The following GPHN variants were observed in gnomAD, a reference collection of about 807,000 sequenced individuals.
GPHN encodes the protein gephyrin.
In GPHN, 17 loss-of-function variants were observed where a neutral mutation model predicts 95.5. The observed-to-expected ratio is 0.18, with a 90% CI of 0.12 to 0.27. GPHN has a LOEUF of 0.27. GPHN is among the 10% of genes least tolerant of loss of function. GPHN has a pLI of 1.00. For synonymous variants in GPHN, 320 were observed against 322.5 expected (o/e 0.99, Z 0.08); for missense variants, 660 against 978.1 (o/e 0.67, Z 4.34).
intron 5 of GPHN, among the ~76,000 whole-genome samples, chr14:66,915,315 A>T (rs1353440530): frequency 6.6e-6 from 1 of 152,198 alleles, no homozygotes; most frequent in Non-Finnish European, 1.5e-5. Flanking sequence ...TAACACAACC[A>T]GTCAATGACA....
chr14:67,568,507 G>A, the GPHN span, among the ~76,000 whole-genome samples: 1 of 152,080 alleles, frequency 6.6e-6, no homozygotes, highest in South Asian at 2.1e-4. Flanking sequence ...TTAATACCTA[G>A]GTGATGGGTT....
At chr14:66,746,811 G>A (rs2058169658) in intron 2 of GPHN, among the ~76,000 whole-genome samples, 1 of 152,134 alleles carries the variant, frequency 6.6e-6, no homozygotes, top group Admixed American at 6.5e-5. Context: ...ATTCTACAGG[G>A]TTTGGTGCTG....
At position 66,583,169 on chromosome 14, in the gene GPHN, T is replaced by A. The variant is rs532219962; in HGVS notation, c.64+74578T>A. ...AGCATTTTTTCATGTGTTTTTTGGCTGCATAAATGTCTTCTTTTGAGAAGT... is the reference window on the plus strand; with the variant it reads ...AGCATTTTTTCATGTGTTTTTTGGCAGCATAAATGTCTTCTTTTGAGAAGT... On this transcript the variant is annotated intron_variant, in intron 1 of 22. Coordinates refer to ENST00000478722, the MANE Select transcript of GPHN (RefSeq NM_020806.5). Among the ~76,000 whole-genome samples, 30 of 152,262 alleles carry A rather than the reference T, an allele frequency of 2.0e-4. No homozygotes were observed. In the South Asian group the frequency reaches 4.8e-3, roughly 24 times the overall value.
chr14:66,760,863 A>G, intron 2 of GPHN: 1 of 690,788 alleles, frequency 1.4e-6, no homozygotes, highest in South Asian at 1.4e-5. Flanking sequence ...TAATGAACAG[A>G]TTGAAGAAAA....
chr14:66,524,345 CAA>C (rs1391649776), intron 1 of GPHN, among the ~76,000 whole-genome samples: 1 of 151,778 alleles, frequency 6.6e-6, no homozygotes, highest in East Asian at 1.9e-4. Flanking sequence ...GTTAAATAAA[CAA>C]TGATTTGGGG....
intron 1 of GPHN, among the ~76,000 whole-genome samples, chr14:66,655,881 A>G (rs539217490): frequency 6.6e-6 from 1 of 152,164 alleles, no homozygotes; most frequent in East Asian, 1.9e-4. Flanking sequence ...TCAAACTGTT[A>G]ATATGATGTT....
At chr14:67,729,906 C>T in the GPHN span, 1 of 436,626 alleles carries the variant, frequency 2.3e-6, no homozygotes, top group Admixed American at 2.6e-5. Context: ...AAGGGAAGCC[C>T]AGGGTGAAAT....
At chr14:67,062,279 T>C (rs546966983) in intron 11 of GPHN, among the ~76,000 whole-genome samples, 1 of 152,350 alleles carries the variant, frequency 6.6e-6, no homozygotes, top group South Asian at 2.1e-4. Flanking sequence ...CTCTAAACTA[T>C]TTAATATCAT....
the GPHN span, among the ~76,000 whole-genome samples, chr14:67,258,208 T>G: frequency 6.6e-6 from 1 of 151,992 alleles, no homozygotes; most frequent in South Asian, 2.1e-4. Context: ...ATATTTGCAG[T>G]CTAGTTGAGA....
intron 5 of GPHN, among the ~76,000 whole-genome samples, chr14:66,906,375 AG>A (rs2065381631): frequency 6.6e-6 from 1 of 152,186 alleles, no homozygotes; most frequent in African/African-American, 2.4e-5. Flanking sequence ...GTCTACTGCC[AG>A]GGCATGCAAA....
the GPHN span, among the ~76,000 whole-genome samples, chr14:67,236,886 G>A: frequency 2.0e-5 from 3 of 151,900 alleles, no homozygotes; most frequent in Admixed American, 1.3e-4. Flanking sequence ...TCAGGGGTTC[G>A]AGAACAGCCT....
the GPHN span, among the ~76,000 whole-genome samples, chr14:67,409,069 TAAAA>T: frequency 1.4e-5 from 2 of 138,828 alleles, no homozygotes; most frequent in Non-Finnish European, 3.1e-5. Flanking sequence ...AAAAAAGAAA[TAAAA>T]AAAAAGCAAA....
chr14:66,942,980 A>T (rs1436042335), intron 8 of GPHN, among the ~76,000 whole-genome samples: 3 of 152,174 alleles, frequency 2.0e-5, no homozygotes, highest in Non-Finnish European at 4.4e-5. Context: ...ACTTATTATG[A>T]CCCTTTACAA....
chr14:66,774,884 A>G (rs1394870910), intron 2 of GPHN, among the ~76,000 whole-genome samples: 1 of 152,248 alleles, frequency 6.6e-6, no homozygotes, highest in Non-Finnish European at 1.5e-5. Flanking sequence ...AAAATACTGT[A>G]GGAAAATTTC....
intron 4 of GPHN, among the ~76,000 whole-genome samples, chr14:66,865,526 A>G (rs1052459147): frequency 1.3e-5 from 2 of 152,216 alleles, no homozygotes; most frequent in South Asian, 4.1e-4. Context: ...ATCAGGAGAT[A>G]ACATACTCTT....
intron 1 of GPHN, among the ~76,000 whole-genome samples, chr14:66,532,367 T>C (rs893360765): frequency 1.3e-5 from 2 of 152,102 alleles, no homozygotes; most frequent in Admixed American, 1.3e-4. Flanking sequence ...GGTGTGATAG[T>C]TGGGTTATAA....
At chr14:67,599,011 G>A in the GPHN span, among the ~76,000 whole-genome samples, 3 of 152,142 alleles carry the variant, frequency 2.0e-5, no homozygotes, top group African/African-American at 7.2e-5. Flanking sequence ...TGCTTTGCCT[G>A]AACAAACATA....
At chr14:67,352,037 T>G in the GPHN span, among the ~76,000 whole-genome samples, 3 of 151,690 alleles carry the variant, frequency 2.0e-5, no homozygotes, top group African/African-American at 7.3e-5. Flanking sequence ...GTAATCCCAG[T>G]GCTTTGGAAG....
chr14:67,409,078 A>C, the GPHN span, among the ~76,000 whole-genome samples: 1 of 150,282 alleles, frequency 6.7e-6, no homozygotes, highest in African/African-American at 2.4e-5. Flanking sequence ...ATAAAAAAAA[A>C]GCAAAAAACA....
Sources: gnomAD v4.1 joint callset for allele counts (sites outside exome capture counted in the v4.1 genomes callset) on GRCh38, gnomAD v4.1.1 for gene constraint, MANE v1.5 for transcripts, NCBI Gene and HGNC (gene_info 2026-07-23, HGNC 2026-07-21) for gene names.